TBC1D22A: variants seen among roughly 807,000 people sequenced by gnomAD.
The protein encoded by TBC1D22A is TBC1 domain family member 22A, also known as putative GTPase activator.
A neutral mutation model predicts 60.2 loss-of-function variants in TBC1D22A; 38 were observed. The observed-to-expected ratio is 0.63, with a 90% CI of 0.49 to 0.83. TBC1D22A has a LOEUF of 0.83. Ranked by LOEUF, TBC1D22A falls within the 40% of genes least tolerant of loss-of-function variation. The pLI is 0.00. For synonymous variants in TBC1D22A, 302 were observed against 281.7 expected (o/e 1.07, Z -0.72); for missense variants, 628 against 701.0 (o/e 0.90, Z 1.18).
chr22:47,029,321 C>T (rs6009110), intron 10 of TBC1D22A, among the ~76,000 whole-genome samples: 8 of 151,286 alleles, frequency 5.3e-5, no homozygotes, highest in Non-Finnish European at 8.9e-5. Context: ...GGGAACACAG[C>T]GCTTCCATAC....
intron 8 of TBC1D22A, among the ~76,000 whole-genome samples, chr22:46,971,032 G>A (rs556291558): frequency 4.6e-5 from 7 of 152,242 alleles, no homozygotes; most frequent in African/African-American, 1.4e-4. Flanking sequence ...TTTCTCTGGC[G>A]GGGGATATTT....
chr22:47,165,378 GTT>G (rs1341796770), intron 12 of TBC1D22A, among the ~76,000 whole-genome samples: 2 of 151,976 alleles, frequency 1.3e-5, no homozygotes, highest in Non-Finnish European at 2.9e-5. Flanking sequence ...AACAGGGCGA[GTT>G]TCTGGAGCTC....
intron 4 of TBC1D22A, among the ~76,000 whole-genome samples, chr22:46,800,604 C>T (rs1037217813): frequency 6.6e-6 from 1 of 152,184 alleles, no homozygotes; most frequent in African/African-American, 2.4e-5. Flanking sequence ...ATCCTGCTCT[C>T]AGAGTTCTTG....
chr22:46,793,330 G>T (rs1285154874), intron 2 of TBC1D22A, among the ~76,000 whole-genome samples, 171 bp from the exon 3 acceptor site: 3 of 152,228 alleles, frequency 2.0e-5, no homozygotes, highest in African/African-American at 7.2e-5. Flanking sequence ...CATGGGCTTC[G>T]CCTGCTCTTC....
chr22:47,170,973 G>A (rs905404877), intron 12 of TBC1D22A, among the ~76,000 whole-genome samples: 5 of 152,332 alleles, frequency 3.3e-5, no homozygotes, highest in African/African-American at 9.6e-5. Context: ...TGGCCGGGGG[G>A]CCTGCCTCAG....
rs756700338 is a variant in TBC1D22A, at chr22:47,037,186, G to T, written c.1317G>T (p.Trp439Cys). 3 of 1,613,650 alleles carry T rather than the reference G, an allele frequency of 1.9e-6. No homozygotes were observed. The highest frequency in any genetic ancestry group is 2.5e-6 in the Non-Finnish European group (3 of 1,179,848). Residue 439 changes from tryptophan (W) to cysteine (C), a missense_variant, in exon 11 of 13, where the codon TGG becomes TGT. Transcript: ENST00000337137. The part of the protein sequence containing the change: ...EVPLRCTIRL[W>C]DTYQSEPDGF... ...CCCTGCGTTGTACCATCCGCCTGTG[G>T]GACACCTACCAGGTGAGCTCTCCTT...
intron 11 of TBC1D22A, among the ~76,000 whole-genome samples, chr22:47,045,513 A>G (rs995048779): frequency 5.3e-5 from 8 of 152,228 alleles, no homozygotes; most frequent in African/African-American, 1.9e-4. Flanking sequence ...AGCCACCTCC[A>G]GAGTTTGAAT....
intron 4 of TBC1D22A, among the ~76,000 whole-genome samples, chr22:46,831,885 A>T (rs1486187479): frequency 6.6e-6 from 1 of 152,216 alleles, no homozygotes; most frequent in Non-Finnish European, 1.5e-5. Flanking sequence ...ACAATGTTGG[A>T]ATGTTTCAAA....
At chr22:46,924,822 T>C (rs1444052172) in intron 8 of TBC1D22A, among the ~76,000 whole-genome samples, 2 of 152,162 alleles carry the variant, frequency 1.3e-5, no homozygotes, top group South Asian at 2.1e-4. Context: ...TTCTTAAGCA[T>C]GTGGTTACCC....
At chr22:47,118,347 A>G (rs2066144109) in intron 12 of TBC1D22A, among the ~76,000 whole-genome samples, 1 of 152,224 alleles carries the variant, frequency 6.6e-6, no homozygotes, top group Non-Finnish European at 1.5e-5. Flanking sequence ...ATACTTTAAA[A>G]TTAGATCATA....
At position 46,852,546 on chromosome 22, in the gene TBC1D22A, C is replaced by T. The variant is rs373358942; in HGVS notation, c.638-26107C>T. Among the ~76,000 whole-genome samples the T allele has an allele frequency of 9.8e-5, 15 of 152,302 alleles. No homozygotes were observed. In the East Asian group the frequency reaches 1.2e-3, roughly 12 times the overall value. On this transcript the variant is annotated intron_variant, in intron 4 of 12. Coordinates refer to ENST00000337137, the MANE Select transcript of TBC1D22A (RefSeq NM_014346.5). ...AGGTCCTTGTTTTCTCAGGGGTGGACGAATCTGCCTCTGGAGACATCATAC... is the reference window on the plus strand; with the variant it reads ...AGGTCCTTGTTTTCTCAGGGGTGGATGAATCTGCCTCTGGAGACATCATAC...
intron 12 of TBC1D22A, among the ~76,000 whole-genome samples, chr22:47,136,556 A>G (rs1440155667): frequency 1.5e-5 from 2 of 136,218 alleles, no homozygotes; most frequent in Non-Finnish European, 3.3e-5. Context: ...AGACCCGGGG[A>G]CGGGGGACCA....
At chr22:47,096,183 C>G (rs1348032172) in intron 11 of TBC1D22A, among the ~76,000 whole-genome samples, 1 of 152,216 alleles carries the variant, frequency 6.6e-6, no homozygotes, top group African/African-American at 2.4e-5. Flanking sequence ...TTTAGAAACA[C>G]ATTTCACATG....
At chr22:46,806,143 G>A (rs1342432713) in intron 4 of TBC1D22A, among the ~76,000 whole-genome samples, 5 of 152,142 alleles carry the variant, frequency 3.3e-5, no homozygotes, top group South Asian at 4.1e-4. Context: ...GAGCCACCGC[G>A]CCCGGCCTCC....
chr22:46,819,926 G>A (rs930358824), intron 4 of TBC1D22A, among the ~76,000 whole-genome samples: 3 of 152,182 alleles, frequency 2.0e-5, no homozygotes, highest in African/African-American at 7.2e-5. Flanking sequence ...CTTGTTATTG[G>A]TCTATTTAGG....
chr22:46,773,796 C>G (rs1052575493), intron 1 of TBC1D22A: 5 of 391,892 alleles, frequency 1.3e-5, no homozygotes, highest in Non-Finnish European at 1.7e-5. Context: ...CATGCAACCA[C>G]ACGTGTAGTC....
intron 12 of TBC1D22A, among the ~76,000 whole-genome samples, chr22:47,115,592 G>C (rs2066011694): frequency 3.3e-5 from 5 of 152,170 alleles, no homozygotes; most frequent in African/African-American, 1.2e-4. Flanking sequence ...GCCCTCTGTG[G>C]GTCATTTCAC....
chr22:46,956,530 G>C (rs577388354), intron 8 of TBC1D22A, among the ~76,000 whole-genome samples: 1 of 152,376 alleles, frequency 6.6e-6, no homozygotes, highest in South Asian at 2.1e-4. Context: ...TCCGTATAGA[G>C]AGACTTAGAA....
intron 12 of TBC1D22A, among the ~76,000 whole-genome samples, chr22:47,151,890 C>T (rs1383652045): frequency 2.0e-5 from 3 of 152,202 alleles, no homozygotes; most frequent in African/African-American, 7.2e-5. Flanking sequence ...GTGACCTGCA[C>T]TTTTCAAGCT....
Sources: allele counts gnomAD v4.1 joint callset (sites outside exome capture counted in the v4.1 genomes callset), GRCh38; gene constraint gnomAD v4.1.1; transcripts MANE v1.5; gene names NCBI Gene and HGNC (gene_info 2026-07-23, HGNC 2026-07-21).